Variants in CHRM3 observed in about 807,000 individuals in gnomAD.
CHRM3 encodes the protein muscarinic acetylcholine receptor M3.
A neutral mutation model predicts 41.8 loss-of-function variants in CHRM3; 11 were observed. The ratio of observed to expected loss-of-function variants is 0.26; its 90% confidence interval spans 0.17 to 0.44. The LOEUF (loss-of-function observed/expected upper bound fraction) is 0.44. Ranked by LOEUF, CHRM3 falls within the 20% of genes least tolerant of loss-of-function variation. The probability of loss-of-function intolerance (pLI) is 1.00; values close to 1 mark genes in which losing one functional copy is unlikely to be tolerated. For synonymous variants in CHRM3, 297 were observed against 301.4 expected, an observed-to-expected ratio of 0.99 and a Z score of 0.15; for missense variants, 571 against 745.4, an observed-to-expected ratio of 0.77 and a Z score of 2.72.
At position 239,735,599 on chromosome 1, in the gene CHRM3, C is replaced by T. The variant is rs911735393; in HGVS notation, c.-147+57311C>T. The stretch of plus-strand genomic sequence containing the variant: ...ATGAATAAAAACAACAAATAATAAA[C>T]GAAGCACTATTTTTGGCTAGAGGTA... On this transcript the variant is annotated intron_variant, in intron 5 of 6. Coordinates refer to ENST00000676153, the MANE Select transcript of CHRM3 (RefSeq NM_001375978.1). Among the ~76,000 whole-genome samples the T allele has an allele frequency of 8.6e-5, 13 of 151,944 alleles. No individual in the cohort carries two copies. The East Asian group carries it at 9.6e-4, about 11-fold the overall frequency.
At chr1:239,440,969 G>A (rs984471183) in intron 1 of CHRM3, among the ~76,000 whole-genome samples, 4 of 152,124 alleles carry the variant, frequency 2.6e-5, no homozygotes, top group Non-Finnish European at 5.9e-5. Context: ...ACTCTGGGTG[G>A]TGTATCATTT....
intron 2 of CHRM3, among the ~76,000 whole-genome samples, chr1:239,509,620 G>A (rs995760813): frequency 6.6e-6 from 1 of 152,294 alleles, no homozygotes; most frequent in East Asian, 1.9e-4. Context: ...CAGTTTTTAA[G>A]AAGGCAAGGT....
intron 5 of CHRM3, among the ~76,000 whole-genome samples, chr1:239,808,251 C>T (rs1460584451): frequency 6.6e-6 from 1 of 152,056 alleles, no homozygotes; most frequent in African/African-American, 2.4e-5. Context: ...AAAGGAATTG[C>T]AATACTTTTT....
At chr1:239,530,195 G>A (rs1199286711) in intron 2 of CHRM3, among the ~76,000 whole-genome samples, 1 of 152,072 alleles carries the variant, frequency 6.6e-6, no homozygotes, top group African/African-American at 2.4e-5. Context: ...GAGCCACCGT[G>A]CCCGGCCCAA....
intron 5 of CHRM3, among the ~76,000 whole-genome samples, chr1:239,724,428 A>G (rs1036514806): frequency 3.9e-5 from 6 of 151,968 alleles, no homozygotes; most frequent in Middle Eastern, 3.2e-3. Flanking sequence ...CAGTTTTAGA[A>G]TTATGAGTTA....
chr1:239,871,298 G>A (rs973512141), intron 6 of CHRM3, among the ~76,000 whole-genome samples: 8 of 152,150 alleles, frequency 5.3e-5, no homozygotes, highest in African/African-American at 1.9e-4. Context: ...CTGGAATAGA[G>A]TGGTGCGATT....
At chr1:239,506,805 CA>C in intron 2 of CHRM3, among the ~76,000 whole-genome samples, 1 of 152,298 alleles carries the variant, frequency 6.6e-6, no homozygotes, top group East Asian at 1.9e-4. Context: ...CTTGCAAAGC[CA>C]CAGGGACAGA....
At chr1:239,706,619 C>CACACAT (rs1661196135) in intron 5 of CHRM3, 1 of 144,100 alleles carries the variant, frequency 6.9e-6, no homozygotes, top group South Asian at 2.2e-4. Context: ...TGTCCATGTA[C>CACACAT]ACACACACAC....
intron 5 of CHRM3, among the ~76,000 whole-genome samples, chr1:239,821,153 G>T (rs1025415884): frequency 1.3e-5 from 2 of 152,188 alleles, no homozygotes; most frequent in Non-Finnish European, 2.9e-5. Flanking sequence ...ATTATTTGTG[G>T]TATGGTTGTT....
intron 5 of CHRM3, among the ~76,000 whole-genome samples, chr1:239,717,868 A>G (rs537118936): frequency 6.6e-6 from 1 of 152,182 alleles, no homozygotes; most frequent in Admixed American, 6.6e-5. Context: ...CCAGCAGTTT[A>G]TCAAGCTATG....
At chr1:239,419,962 A>G (rs752975489) in intron 1 of CHRM3, among the ~76,000 whole-genome samples, 36 of 152,206 alleles carry the variant, frequency 2.4e-4, no homozygotes, top group Admixed American at 3.9e-4. Flanking sequence ...AAAATTCGGC[A>G]GTCCGCTGAC....
At chr1:239,685,872 T>G (rs1227852666) in intron 5 of CHRM3, among the ~76,000 whole-genome samples, 1 of 151,838 alleles carries the variant, frequency 6.6e-6, no homozygotes, top group Non-Finnish European at 1.5e-5. Flanking sequence ...CAAAAAAAAC[T>G]GTGTTCTGTC....
chr1:239,651,525 A>T (rs1672237374), intron 4 of CHRM3, among the ~76,000 whole-genome samples: 1 of 152,198 alleles, frequency 6.6e-6, no homozygotes, highest in African/African-American at 2.4e-5. Context: ...GACTTGGCTA[A>T]GACAGTGTGC....
At chr1:239,843,932 G>A (rs1052104583) in intron 6 of CHRM3, among the ~76,000 whole-genome samples, 6 of 151,846 alleles carry the variant, frequency 4.0e-5, no homozygotes, top group South Asian at 4.2e-4. Flanking sequence ...ACATACATAC[G>A]TGTCTATATA....
chr1:239,504,110 A>G (rs898199916), intron 2 of CHRM3, among the ~76,000 whole-genome samples: 6 of 152,214 alleles, frequency 3.9e-5, no homozygotes, highest in Non-Finnish European at 8.8e-5. Context: ...TTGTCAGCAG[A>G]GTAAACAGAC....
intron 2 of CHRM3, among the ~76,000 whole-genome samples, chr1:239,520,012 G>A (rs367989863): frequency 2.6e-5 from 4 of 152,066 alleles, no homozygotes; most frequent in African/African-American, 9.7e-5. Flanking sequence ...CTCCCAAAGC[G>A]TAAACAACTA....
At chr1:239,474,949 T>TA (rs1413975924) in intron 1 of CHRM3, among the ~76,000 whole-genome samples, 1 of 152,092 alleles carries the variant, frequency 6.6e-6, no homozygotes, top group Non-Finnish European at 1.5e-5. Flanking sequence ...TTGCAATACT[T>TA]AGTACTATTC....
At chr1:239,758,167 T>C (rs1037202361) in intron 5 of CHRM3, among the ~76,000 whole-genome samples, 1 of 152,200 alleles carries the variant, frequency 6.6e-6, no homozygotes, top group African/African-American at 2.4e-5. Context: ...TGTCTTGATG[T>C]AATAAGATAC....
intron 4 of CHRM3, among the ~76,000 whole-genome samples, chr1:239,662,202 T>C (rs995142627): frequency 9.9e-5 from 15 of 151,782 alleles, no homozygotes; most frequent in African/African-American, 3.6e-4. Flanking sequence ...TTAGAGATTG[T>C]TGCAAATACA....
Sources: allele counts gnomAD v4.1 joint callset (sites outside exome capture counted in the v4.1 genomes callset), GRCh38; gene constraint gnomAD v4.1.1; transcripts MANE v1.5; gene names NCBI Gene and HGNC (gene_info 2026-07-23, HGNC 2026-07-21).